The following SLC17A5 variants were observed in gnomAD, a reference collection of about 807,000 sequenced individuals.
SLC17A5 encodes the protein sialin.
Under a neutral mutation model 59.4 loss-of-function variants are expected in SLC17A5, and 47 were observed. That is an observed-to-expected ratio of 0.79 (90% CI 0.63 to 1.01). The LOEUF is 1.01. SLC17A5 is among the 50% of genes least tolerant of loss of function. The probability of loss-of-function intolerance (pLI) is 0.00; values close to 1 mark genes in which losing one functional copy is unlikely to be tolerated. For synonymous variants in SLC17A5, 202 were observed against 210.7 expected (o/e 0.96, Z 0.36); for missense variants, 522 against 595.5 (o/e 0.88, Z 1.28).
At chr6:73,613,226 T>C (rs193194905) in intron 8 of SLC17A5, among the ~76,000 whole-genome samples, 1 of 152,290 alleles carries the variant, frequency 6.6e-6, no homozygotes, top group East Asian at 1.9e-4. Flanking sequence ...TTTGATTACA[T>C]CTTGTCTAAA....
rs183665314 is a variant in SLC17A5 at position 73,630,151 on chromosome 6, C to T, written c.819+5231G>A. Among the ~76,000 whole-genome samples, 11 of 152,122 alleles carry T rather than the reference C, an allele frequency of 7.2e-5. No individual in the cohort carries two copies. In the East Asian group the frequency reaches 2.1e-3, roughly 30 times the overall value. ...GGGACTACAGGCACACGCTACGACG[C>T]CTGGCTAATTTTTGTATTTTTACTA... On this transcript the variant is annotated intron_variant, in intron 6 of 10. Transcript: ENST00000355773.
Position 73,621,967 on chromosome 6 carries a change from A to G in SLC17A5, c.820-5T>C. ...CACTGACTTCTGTGAAGAAAGCTGAAGAAAACAGGAATAATTAGGATAAAC... is the reference window on the plus strand; with the variant it reads ...CACTGACTTCTGTGAAGAAAGCTGAGGAAAACAGGAATAATTAGGATAAAC... On this transcript the variant is annotated splice_polypyrimidine_tract_variant and splice_region_variant and intron_variant, in intron 6 of 10. Transcript: ENST00000355773. The G allele has an allele frequency of 2.5e-6, 4 of 1,613,828 alleles. No homozygotes were observed. The highest frequency in any genetic ancestry group is 3.4e-6 in the Non-Finnish European group (4 of 1,179,754).
At position 73,615,406 on chromosome 6, in the gene SLC17A5, TAACC is replaced by T; in HGVS notation, c.1016_1019del (p.Trp339TyrfsTer3). On this transcript the variant is annotated frameshift_variant, in exon 8 of 11. Coordinates refer to ENST00000355773, the MANE Select transcript of SLC17A5 (RefSeq NM_012434.5). LOFTEE classifies it high-confidence loss of function. Reference sequence around the variant, plus strand: ...CAGCTTGACCAGACAGGATCATACATAACCAAGAGCCTAAATAAGGCAATGAAGA... The same window carrying T: ...CAGCTTGACCAGACAGGATCATACATAAGAGCCTAAATAAGGCAATGAAGA... The T allele has an allele frequency of 6.2e-7, 1 of 1,613,852 alleles. No individual in the cohort carries two copies. Among genetic ancestry groups the T allele is most frequent in the Non-Finnish European group, 8.5e-7 (1 of 1,179,942 alleles).
chr6:73,646,831 TCTGA>T (rs1769595337), intron 1 of SLC17A5, among the ~76,000 whole-genome samples: 2 of 152,012 alleles, frequency 1.3e-5, no homozygotes, highest in African/African-American at 4.8e-5. Flanking sequence ...TGGCAGCATA[TCTGA>T]CTAATTTTTA....
At chr6:73,612,699 G>GTTTTTTT (rs1767685001) in intron 8 of SLC17A5, among the ~76,000 whole-genome samples, 1 of 152,012 alleles carries the variant, frequency 6.6e-6, no homozygotes, top group Non-Finnish European at 1.5e-5. Flanking sequence ...CTTAGCCTCT[G>GTTTTTTT]GAGTAGCTGG....
chr6:73,622,915 T>C (rs1265128684), intron 6 of SLC17A5, among the ~76,000 whole-genome samples: 1 of 152,248 alleles, frequency 6.6e-6, no homozygotes, highest in Non-Finnish European at 1.5e-5. Context: ...TTAATAAATA[T>C]GTTGGCCCTG....
chr6:73,622,358 A>G (rs1399035444), intron 6 of SLC17A5, among the ~76,000 whole-genome samples: 1 of 150,670 alleles, frequency 6.6e-6, no homozygotes. Context: ...CTGGAGTGCA[A>G]TGGCACAATC....
At chr6:73,642,546 G>A (rs1027891765) in intron 2 of SLC17A5, among the ~76,000 whole-genome samples, 6 of 152,234 alleles carry the variant, frequency 3.9e-5, no homozygotes, top group African/African-American at 7.2e-5. Context: ...CATTTCAGAC[G>A]AAGCACTTAA....
At chr6:73,635,245 T>C (rs1211224789) in intron 6 of SLC17A5, 137 bp downstream of exon 6, 2 of 598,948 alleles carry the variant, frequency 3.3e-6, no homozygotes, top group Admixed American at 5.3e-5. Context: ...GACAATACTT[T>C]GGATGTTCAT....
Position 73,641,746 on chromosome 6 carries a change from G to A in SLC17A5, c.470C>T (p.Ala157Val). The change falls in exon 3 of 11, where the codon GCA becomes GTA. Residue 157 changes from alanine (A) to valine (V), a missense_variant. Coordinates refer to ENST00000355773, the MANE Select transcript of SLC17A5 (RefSeq NM_012434.5). ...AATGAGTGGTCCAACTCCTAAATCTGCAGCAATGGGAGTGAACAGGGTGAG... is the reference window on the plus strand; with the variant it reads ...AATGAGTGGTCCAACTCCTAAATCTACAGCAATGGGAGTGAACAGGGTGAG... ...AVLTLFTPIA[A>V]DLGVGPLIVL... is the part of the protein sequence containing the mutation. 6.2e-7 allele frequency: 1 copy of A among 1,614,100 alleles called. No homozygotes were observed. The highest frequency in any genetic ancestry group is 1.6e-4 in the Middle Eastern group (1 of 6,062).
intron 8 of SLC17A5, 138 bp downstream of exon 8, chr6:73,615,177 T>C: frequency 1.1e-6 from 1 of 947,972 alleles, no homozygotes; most frequent in South Asian, 1.4e-5. Flanking sequence ...ATTTTGGTGA[T>C]TAGAGCGAGG....
At chr6:73,632,886 A>C (rs1313520375) in intron 6 of SLC17A5, among the ~76,000 whole-genome samples, 1 of 149,434 alleles carries the variant, frequency 6.7e-6, no homozygotes, top group Non-Finnish European at 1.5e-5. Flanking sequence ...TTTACATGGC[A>C]ACATCTGTTT....
At chr6:73,649,982 T>C (rs1293023101) in intron 1 of SLC17A5, among the ~76,000 whole-genome samples, 3 of 151,466 alleles carry the variant, frequency 2.0e-5, no homozygotes, top group Admixed American at 2.0e-4. Flanking sequence ...TGCTCAGGAG[T>C]AGGCACTAAG....
At position 73,641,716 on chromosome 6, in the gene SLC17A5, A is replaced by G. The variant is rs587779410; in HGVS notation, c.500T>C (p.Leu167Pro). 13 of 1,613,832 alleles carry G rather than the reference A, an allele frequency of 8.1e-6. No homozygotes were observed. The Admixed American group carries it at 8.3e-5, about 10-fold the overall frequency. Residue 167 changes from leucine to proline, a missense_variant, in exon 3 of 11, where the codon CTC becomes CCC. Physicochemically the swap from Leu to Pro is moderately conservative, Grantham distance 98. Transcript: ENST00000355773. ...CTCTCCTAGTCCTTCTAGTGCTCTG[A>G]GTACAATGAGTGGTCCAACTCCTAA... is the stretch of plus-strand genomic sequence containing the variant. ...ADLGVGPLIV[L>P]RALEGLGEGV...
chr6:73,650,972 T>C (rs1703467), intron 1 of SLC17A5, among the ~76,000 whole-genome samples: 77,830 of 152,012 alleles, frequency 0.51, 22,214 homozygotes, highest in East Asian at 0.7. Flanking sequence ...TCCTATCAAA[T>C]CTTCAGATCT....
At chr6:73,618,624 A>G in intron 7 of SLC17A5, 1 of 437,842 alleles carries the variant, frequency 2.3e-6, no homozygotes. Flanking sequence ...GATGAGTGGA[A>G]AACCATCTCT....
intron 4 of SLC17A5, among the ~76,000 whole-genome samples, chr6:73,638,191 A>G (rs1581984674): frequency 1.3e-5 from 2 of 152,212 alleles, no homozygotes; most frequent in Non-Finnish European, 2.9e-5. Flanking sequence ...GAAATAGATG[A>G]TGGCAGATGG....
intron 7 of SLC17A5, among the ~76,000 whole-genome samples, chr6:73,616,722 C>T (rs1767889299): frequency 1.3e-5 from 2 of 151,902 alleles, no homozygotes; most frequent in Admixed American, 6.6e-5. Flanking sequence ...AATTCTCCTG[C>T]CTCAGCCTCC....
chr6:73,599,450 A>G (rs1055400887), intron 10 of SLC17A5, among the ~76,000 whole-genome samples: 3 of 152,204 alleles, frequency 2.0e-5, no homozygotes, highest in Non-Finnish European at 4.4e-5. Context: ...CCACTTGTAA[A>G]CATACAAGAC....
Sources: allele counts gnomAD v4.1 joint callset (sites outside exome capture counted in the v4.1 genomes callset), GRCh38; gene constraint gnomAD v4.1.1; transcripts MANE v1.5; gene names NCBI Gene and HGNC (gene_info 2026-07-23, HGNC 2026-07-21).